The following STXBP5L variants were observed in gnomAD, a reference collection of about 807,000 sequenced individuals.
The protein encoded by STXBP5L is syntaxin-binding protein 5-like.
STXBP5L carries 65 observed loss-of-function variants against 144.5 expected under a neutral mutation model. That is an observed-to-expected ratio of 0.45 (90% CI 0.37 to 0.55). STXBP5L has a LOEUF of 0.55. Ranked by LOEUF, STXBP5L falls within the 20% of genes least tolerant of loss-of-function variation. The pLI is 0.00. For missense variants in STXBP5L, 1,298 were observed against 1,405.5 expected (o/e 0.92, Z 1.22); for synonymous variants, 505 against 469.6 (o/e 1.08, Z -0.97).
intron 19 of STXBP5L, among the ~76,000 whole-genome samples, chr3:121,288,803 GT>G (rs1318123126): frequency 2.0e-5 from 3 of 152,108 alleles, no homozygotes; most frequent in African/African-American, 7.2e-5. Flanking sequence ...TGTATACTCT[GT>G]TGATAGTTTT....
chr3:121,306,847 G>C (rs79247157), intron 19 of STXBP5L, among the ~76,000 whole-genome samples: 18,299 of 152,136 alleles, frequency 0.12, 1,158 homozygotes, highest in Non-Finnish European at 0.14. Context: ...TACAATGTAT[G>C]TCCCAGGGTA....
chr3:121,082,111 C>T (rs1327562392), intron 5 of STXBP5L, among the ~76,000 whole-genome samples: 1 of 151,964 alleles, frequency 6.6e-6, no homozygotes, highest in Non-Finnish European at 1.5e-5. Flanking sequence ...CTATGGCTTT[C>T]TACCTAAATT....
At chr3:121,286,088 G>C (rs338990) in intron 19 of STXBP5L, among the ~76,000 whole-genome samples, 2 of 151,856 alleles carry the variant, frequency 1.3e-5, no homozygotes, top group African/African-American at 4.8e-5. Flanking sequence ...AGTTTGAAAA[G>C]TAGGCTTAAT....
intron 5 of STXBP5L, among the ~76,000 whole-genome samples, chr3:121,077,052 C>T (rs757942491): frequency 3.2e-4 from 49 of 152,162 alleles, no homozygotes; most frequent in African/African-American, 1.1e-3. Flanking sequence ...CCCAGCGTCA[C>T]GCTCTATGTT....
intron 3 of STXBP5L, among the ~76,000 whole-genome samples, chr3:121,011,685 A>G (rs111346209): frequency 0.019 from 2,932 of 151,834 alleles, 88 homozygotes; most frequent in African/African-American, 0.066. Flanking sequence ...GTTATTACAG[A>G]TACAATTAAG....
chr3:121,339,117 A>C (rs2044615597), intron 20 of STXBP5L, among the ~76,000 whole-genome samples: 1 of 152,162 alleles, frequency 6.6e-6, no homozygotes, highest in South Asian at 2.1e-4. Flanking sequence ...AAAACAAAAA[A>C]ACACAAAATG....
chr3:121,338,375 G>T (rs1207538382), intron 20 of STXBP5L, among the ~76,000 whole-genome samples: 1 of 152,010 alleles, frequency 6.6e-6, no homozygotes, highest in East Asian at 1.9e-4. Context: ...CAGGTGCGGT[G>T]GTTCACGCCT....
intron 20 of STXBP5L, among the ~76,000 whole-genome samples, chr3:121,321,187 C>T (rs1314860082): frequency 1.3e-5 from 2 of 152,116 alleles, no homozygotes; most frequent in African/African-American, 2.4e-5. Flanking sequence ...AGGTCCCACT[C>T]TTCTTTAGTA....
Position 120,990,784 on chromosome 3 carries a change from A to T in STXBP5L, c.287+35747A>T, listed in dbSNP as rs1406819723. On this transcript the variant is annotated intron_variant, in intron 3 of 26. Coordinates refer to ENST00000471454, the MANE Select transcript of STXBP5L (RefSeq NM_001308330.2). ...GGAAAACTGGCTAGCCATATGTAGA[A>T]AGCTGAAACTGGATCCCTTCCTTAC... 2.6e-5 allele frequency among the ~76,000 whole-genome samples: 4 copies of T among 152,360 alleles called. No individual in the cohort carries two copies. In the East Asian group the frequency reaches 7.7e-4, roughly 29 times the overall value.
At position 121,084,364 on chromosome 3, in the gene STXBP5L, C is replaced by G. The variant is rs373841852; in HGVS notation, c.471-30561C>G. ...TTTATCCTGATGCTCTCCCTCCCCG[C>G]CTACCCTCAACAGGCCCCAGTGTGT... On this transcript the variant is annotated intron_variant, in intron 5 of 26. Coordinates refer to ENST00000471454, the MANE Select transcript of STXBP5L (RefSeq NM_001308330.2). Among the ~76,000 whole-genome samples the G allele has an allele frequency of 3.3e-5, 5 of 152,278 alleles. No individual in the cohort carries two copies. The East Asian group carries it at 9.7e-4, about 29-fold the overall frequency.
rs1576390014 is a variant in STXBP5L, at chr3:121,423,041, G to T, written c.*3944G>T. 2 of 152,134 alleles carry T rather than the reference G, an allele frequency of 1.3e-5. No homozygotes were observed. The highest frequency in any genetic ancestry group is 2.9e-5 in the Non-Finnish European group (2 of 68,028). 9.4% of individuals were successfully genotyped at this position (152,134 alleles called of 1,614,324 possible). On this transcript the variant is annotated 3_prime_UTR_variant, in exon 27 of 27. Transcript: ENST00000471454. ...GCTAAAAATCCTCTCCTTGGCTTAGGATCATTGGGTCAAACTGGGAGTATA... is the reference window on the plus strand; with the variant it reads ...GCTAAAAATCCTCTCCTTGGCTTAGTATCATTGGGTCAAACTGGGAGTATA...
chr3:121,159,179 A>G (rs893671349), intron 9 of STXBP5L, among the ~76,000 whole-genome samples: 1 of 151,800 alleles, frequency 6.6e-6, no homozygotes, highest in Non-Finnish European at 1.5e-5. Flanking sequence ...GATATATCCT[A>G]TAAGTCTTTA....
chr3:121,014,700 C>G (rs1945020794), intron 3 of STXBP5L, among the ~76,000 whole-genome samples: 1 of 151,926 alleles, frequency 6.6e-6, no homozygotes, highest in Non-Finnish European at 1.5e-5. Flanking sequence ...CTCTCACCAG[C>G]AATATGTCAC....
chr3:121,336,717 C>T (rs1035397587), intron 20 of STXBP5L, among the ~76,000 whole-genome samples: 2 of 152,062 alleles, frequency 1.3e-5, no homozygotes, highest in Admixed American at 1.3e-4. Context: ...GAGCTGAAAA[C>T]ACATCTAACA....
intron 5 of STXBP5L, among the ~76,000 whole-genome samples, chr3:121,052,889 T>G (rs1281898036): frequency 6.6e-6 from 1 of 152,154 alleles, no homozygotes; most frequent in Non-Finnish European, 1.5e-5. Flanking sequence ...ATAAGCAACT[T>G]CAGCAAAGTC....
intron 9 of STXBP5L, among the ~76,000 whole-genome samples, chr3:121,199,014 C>G (rs1025794380): frequency 9.2e-5 from 14 of 152,138 alleles, no homozygotes; most frequent in African/African-American, 3.1e-4. Flanking sequence ...TTTTCTAATT[C>G]TGCAAAGAAA....
chr3:121,035,398 A>G (rs746570421), intron 3 of STXBP5L, among the ~76,000 whole-genome samples: 9 of 152,038 alleles, frequency 5.9e-5, no homozygotes, highest in Non-Finnish European at 1.0e-4. Context: ...ATAGTGAGAG[A>G]TAGGGGTCCA....
At chr3:121,131,631 G>A (rs1321359291) in intron 7 of STXBP5L, among the ~76,000 whole-genome samples, 4 of 152,050 alleles carry the variant, frequency 2.6e-5, no homozygotes, top group African/African-American at 9.7e-5. Context: ...TCTGAGTATA[G>A]TTTCAAAAAA....
chr3:120,977,615 A>C (rs1216052831), intron 3 of STXBP5L, among the ~76,000 whole-genome samples: 1 of 152,104 alleles, frequency 6.6e-6, no homozygotes, highest in African/African-American at 2.4e-5. Context: ...TTTGCTCCTT[A>C]GTTGAGGCAG....
Sources: allele counts gnomAD v4.1 joint callset (sites outside exome capture counted in the v4.1 genomes callset), GRCh38; gene constraint gnomAD v4.1.1; transcripts MANE v1.5; gene names NCBI Gene and HGNC (gene_info 2026-07-23, HGNC 2026-07-21).